Variants in KIF15 observed in about 807,000 individuals in gnomAD.
KIF15 encodes kinesin-like protein KIF15.
A neutral mutation model predicts 190.6 loss-of-function variants in KIF15; 140 were observed. The ratio of observed to expected loss-of-function variants is 0.73; its 90% CI spans 0.64 to 0.84. KIF15 has a LOEUF of 0.84. KIF15 is among the 40% of genes least tolerant of loss of function. The pLI is 0.00. For missense variants in KIF15, 1,372 were observed against 1,584.4 expected, an observed-to-expected ratio of 0.87 and a Z score of 2.28; for synonymous variants, 528 against 551.3, an observed-to-expected ratio of 0.96 and a Z score of 0.59.
intron 31 of KIF15, among the ~76,000 whole-genome samples, chr3:44,848,262 A>G (rs1343387825): frequency 6.6e-6 from 1 of 152,272 alleles, no homozygotes; most frequent in Non-Finnish European, 1.5e-5. Context: ...TGGCAAGCCT[A>G]CTGCTCAGCA....
intron 32 of KIF15, among the ~76,000 whole-genome samples, chr3:44,850,598 C>T (rs1429308203): frequency 6.6e-6 from 1 of 152,116 alleles, no homozygotes; most frequent in Non-Finnish European, 1.5e-5. Context: ...TCCCAGCCTA[C>T]AACAGCAATT....
chr3:44,866,078 G>GTTTTTTT (rs1699319147), intron 6 of KIF15, among the ~76,000 whole-genome samples: 1 of 116,860 alleles, frequency 8.6e-6, no homozygotes, highest in Non-Finnish European at 1.9e-5. Context: ...TTGTTTTTTT[G>GTTTTTTT]GGTTTTTTTT....
At chr3:44,812,757 G>C (rs184686638) in intron 18 of KIF15, among the ~76,000 whole-genome samples, 128 of 152,318 alleles carry the variant, frequency 8.4e-4, no homozygotes, top group Non-Finnish European at 1.6e-3. Context: ...AGCCAAGGCA[G>C]GTGGATCGTC....
intron 6 of KIF15, among the ~76,000 whole-genome samples, chr3:44,866,221 C>A (rs539510075): frequency 1.3e-5 from 2 of 151,818 alleles, no homozygotes; most frequent in Admixed American, 1.3e-4. Flanking sequence ...TACAGGCACC[C>A]GCCACCATGC....
At chr3:44,866,934 C>T (rs1180392059) in intron 6 of KIF15, among the ~76,000 whole-genome samples, 2 of 152,336 alleles carry the variant, frequency 1.3e-5, no homozygotes, top group South Asian at 2.1e-4. Context: ...TTTACCTTCA[C>T]CTCTCGCTGG....
chr3:44,822,981 T>C (rs948327307), intron 20 of KIF15, among the ~76,000 whole-genome samples: 17 of 152,208 alleles, frequency 1.1e-4, no homozygotes, highest in Non-Finnish European at 2.1e-4. Flanking sequence ...AAGTTTGTTA[T>C]TACCGACCTT....
chr3:44,780,908 C>G lies in KIF15; in HGVS notation c.347C>G (p.Thr116Arg). The G allele has an allele frequency of 6.2e-7, 1 of 1,601,374 alleles. No individual in the cohort carries two copies. Among genetic ancestry groups the G allele is most frequent in the Non-Finnish European group, 8.5e-7 (1 of 1,171,118 alleles). Reference protein sequence around the residue: ...FAYGQTGSGKTFTMMGPSESD... With the variant: ...FAYGQTGSGKRFTMMGPSESD... ...AGTGGACAGACTGGCTCAGGGAAGA[C>G]ATTTACTATGATGGGTAAGTAAAGA... The change falls in exon 5 of 35, where the codon ACA (threonine) becomes AGA (arginine). Residue 116 changes from threonine (T) to arginine (R), a missense_variant. By Grantham distance (71) the Thr-to-Arg change is moderately conservative (BLOSUM62 -1). Transcript: ENST00000326047.
chr3:44,804,854 G>A (rs918686585), intron 14 of KIF15, among the ~76,000 whole-genome samples, 173 bp from the exon 15 acceptor site: 1 of 152,106 alleles, frequency 6.6e-6, no homozygotes, highest in South Asian at 2.1e-4. Flanking sequence ...TGCACCTGTA[G>A]TCCCAACTAT....
chr3:44,823,801 G>A (rs544472264), intron 20 of KIF15, among the ~76,000 whole-genome samples: 1 of 152,312 alleles, frequency 6.6e-6, no homozygotes, highest in South Asian at 2.1e-4. Flanking sequence ...GGCTCCGTGG[G>A]CGTGGGACCC....
chr3:44,829,462 A>ATACGCATATATAT, intron 24 of KIF15, among the ~76,000 whole-genome samples: 1 of 131,328 alleles, frequency 7.6e-6, no homozygotes, highest in Non-Finnish European at 1.6e-5. Flanking sequence ...CATATATAAT[A>ATACGCATATATAT]TATATGTATA....
Position 44,784,961 on chromosome 3 carries a change from A to C in KIF15, c.459+19A>C. 1 of 1,324,766 alleles carries C rather than the reference A, an allele frequency of 7.5e-7. No homozygotes were observed. Among genetic ancestry groups the C allele is most frequent in the Non-Finnish European group, 1.1e-6 (1 of 939,618 alleles). 82.1% of individuals were successfully genotyped at this position (1,324,766 alleles called of 1,614,324 possible). On this transcript the variant is annotated intron_variant, in intron 6 of 34. Transcript: ENST00000326047. ...AGAAAAGGTAAAACAATGTAAAAAT[A>C]AAGTGGTTCTATGAAATGTCTAATT...
intron 19 of KIF15, among the ~76,000 whole-genome samples, chr3:44,814,439 A>ACCTGAGCCTCCT (rs1559557687): frequency 6.6e-5 from 10 of 152,164 alleles, no homozygotes; most frequent in Non-Finnish European, 1.2e-4. Flanking sequence ...CCTCCTGAGT[A>ACCTGAGCCTCCT]GATGGGACCA....
At chr3:44,812,784 A>C (rs1485994124) in intron 18 of KIF15, among the ~76,000 whole-genome samples, 1 of 152,214 alleles carries the variant, frequency 6.6e-6, no homozygotes, top group Non-Finnish European at 1.5e-5. Context: ...CAAGAGATCA[A>C]GACCAGCCTG....
chr3:44,802,946 G>C lies in KIF15; in HGVS notation c.1642G>C (p.Glu548Gln). Reference protein sequence around the residue: ...EMDAQTIAKLEKAFSEISGME... With the variant: ...EMDAQTIAKLQKAFSEISGME... Reference sequence around the variant, plus strand: ...GGATGCCCAGACCATTGCAAAACTAGAAAAAGCTTTCTCTGAAATAAGTGG... The same window carrying C: ...GGATGCCCAGACCATTGCAAAACTACAAAAAGCTTTCTCTGAAATAAGTGG... Residue 548 changes from glutamate to glutamine, a missense_variant, in exon 14 of 35, where the codon GAA becomes CAA. Transcript: ENST00000326047. 6.2e-7 allele frequency: 1 copy of C among 1,603,624 alleles called. No individual in the cohort carries two copies. The highest frequency in any genetic ancestry group is 8.5e-7 in the Non-Finnish European group (1 of 1,177,602).
At chr3:44,811,173 G>A in intron 17 of KIF15, 130 bp downstream of exon 17, 1 of 658,768 alleles carries the variant, frequency 1.5e-6, no homozygotes, top group Non-Finnish European at 2.4e-6. Flanking sequence ...TTTTAAGTGT[G>A]GGTTTATAAT....
At chr3:44,793,303 A>G (rs573598759) in intron 7 of KIF15, among the ~76,000 whole-genome samples, 1 of 152,268 alleles carries the variant, frequency 6.6e-6, no homozygotes, top group South Asian at 2.1e-4. Context: ...CCTGCTTGCC[A>G]TAGGGAATAG....
intron 27 of KIF15, among the ~76,000 whole-genome samples, chr3:44,839,739 C>CT (rs1457173813): frequency 6.6e-6 from 1 of 152,176 alleles, no homozygotes; most frequent in Non-Finnish European, 1.5e-5. Flanking sequence ...ATGAGTTCAA[C>CT]TTTTTTTGAT....
Position 44,800,913 on chromosome 3 carries a change from G to A in KIF15, c.1222+476G>A, listed in dbSNP as rs181640239. On this transcript the variant is annotated intron_variant, in intron 11 of 34. Coordinates refer to ENST00000326047, the MANE Select transcript of KIF15 (RefSeq NM_020242.3). Reference sequence around the variant, plus strand: ...TGTTACACCATGTGTAATCTATTGTGCATATTAACTAAATAAAGAGAAACT... The same window carrying A: ...TGTTACACCATGTGTAATCTATTGTACATATTAACTAAATAAAGAGAAACT... Among the ~76,000 whole-genome samples, 8 of 151,598 alleles carry A rather than the reference G, an allele frequency of 5.3e-5. No homozygotes were observed. In the East Asian group the frequency reaches 1.5e-3, roughly 29 times the overall value.
At chr3:44,862,644 A>G (rs1459846659) in intron 6 of KIF15, 2 of 152,240 alleles carry the variant, frequency 1.3e-5, no homozygotes, top group Non-Finnish European at 2.9e-5. Context: ...GCATAAGAGG[A>G]TACTGACAGA....
Sources: gnomAD v4.1 joint callset for allele counts (sites outside exome capture counted in the v4.1 genomes callset) on GRCh38, gnomAD v4.1.1 for gene constraint, MANE v1.5 for transcripts, NCBI Gene and HGNC (gene_info 2026-07-23, HGNC 2026-07-21) for gene names.